The following PAK1 variants were observed in gnomAD, a reference collection of about 807,000 sequenced individuals.
PAK1 encodes serine/threonine-protein kinase PAK 1.
A neutral mutation model predicts 67.4 loss-of-function variants in PAK1; 29 were observed. That is an observed-to-expected ratio of 0.43 (90% CI 0.32 to 0.59). The LOEUF is 0.59. Among genes scored for constraint, PAK1 ranks in the 20% least tolerant of loss-of-function variants. The pLI is 0.07. For missense variants in PAK1, 337 were observed against 670.7 expected, an observed-to-expected ratio of 0.50 and a Z score of 5.50; for synonymous variants, 223 against 237.4, an observed-to-expected ratio of 0.94 and a Z score of 0.56.
chr11:77,407,223 T>C (rs1953721970), intron 1 of PAK1, among the ~76,000 whole-genome samples: 1 of 152,194 alleles, frequency 6.6e-6, no homozygotes, highest in Non-Finnish European at 1.5e-5. Context: ...TTGTGTTACA[T>C]CATAAGAAGT....
chr11:77,392,130 T>C (rs1265615904), intron 2 of PAK1, among the ~76,000 whole-genome samples: 1 of 152,228 alleles, frequency 6.6e-6, no homozygotes, highest in Non-Finnish European at 1.5e-5. Flanking sequence ...CTTACAGTTT[T>C]GCTCAGATAT....
intron 1 of PAK1, among the ~76,000 whole-genome samples, chr11:77,402,634 G>C (rs943833980): frequency 5.9e-5 from 9 of 151,974 alleles, no homozygotes; most frequent in African/African-American, 2.2e-4. Context: ...ACCATAAAGG[G>C]GCCACTTCGT....
chr11:77,368,270 T>G (rs1947882654), intron 5 of PAK1, among the ~76,000 whole-genome samples: 1 of 152,182 alleles, frequency 6.6e-6, no homozygotes, highest in Non-Finnish European at 1.5e-5. Flanking sequence ...TAAAATGGCT[T>G]TGGACTTAGC....
chr11:77,461,494 G>C (rs1957342903), intron 1 of PAK1, among the ~76,000 whole-genome samples: 1 of 152,132 alleles, frequency 6.6e-6, no homozygotes, highest in Non-Finnish European at 1.5e-5. Context: ...TGTTTCTCCA[G>C]TAGAACATTG....
At chr11:77,466,676 A>T (rs1275361515) in intron 1 of PAK1, among the ~76,000 whole-genome samples, 1 of 152,184 alleles carries the variant, frequency 6.6e-6, no homozygotes, top group Non-Finnish European at 1.5e-5. Context: ...AAAATGAGTT[A>T]GCCAACATCA....
upstream of PAK1, among the ~76,000 whole-genome samples, chr11:77,478,640 C>T (rs958587924): frequency 7.3e-5 from 11 of 151,448 alleles, no homozygotes; most frequent in Admixed American, 3.9e-4. Context: ...ATTAGCCGGG[C>T]GTGGTGGCAT....
At position 77,323,327 on chromosome 11, in the gene PAK1, T is replaced by C; in HGVS notation, c.1585A>G (p.Ser529Gly). Residue 529 changes from serine to glycine, a missense_variant, in exon 15 of 15, where the codon AGC (serine) becomes GGC (glycine). Transcript: ENST00000356341. ...QFLKIAKPLS[S>G]LTPLIAAAKE... ...GCTGCAGCAATCAGTGGAGTGAGGC[T>C]GGAGAGGGGCTTGGCAATCTTCAGG... 1 of 1,613,660 alleles carries C rather than the reference T, an allele frequency of 6.2e-7. No individual in the cohort carries two copies. Among genetic ancestry groups the C allele is most frequent in the Non-Finnish European group, 8.5e-7 (1 of 1,179,616 alleles).
chr11:77,364,322 T>C (rs2136708755), intron 5 of PAK1, among the ~76,000 whole-genome samples: 1 of 152,304 alleles, frequency 6.6e-6, no homozygotes, highest in East Asian at 1.9e-4. Flanking sequence ...AAAGAAGCCT[T>C]ACAGAGTTGA....
At chr11:77,458,688 T>C (rs1473919933) in intron 1 of PAK1, among the ~76,000 whole-genome samples, 1 of 152,168 alleles carries the variant, frequency 6.6e-6, no homozygotes, top group Admixed American at 6.5e-5. Flanking sequence ...GAGGAATGTT[T>C]GAGTGGGGGC....
chr11:77,458,162 A>AT (rs971028261), intron 1 of PAK1, among the ~76,000 whole-genome samples: 5 of 152,162 alleles, frequency 3.3e-5, no homozygotes, highest in African/African-American at 1.2e-4. Context: ...TTCTTAGTAA[A>AT]TTTTTTTAAA....
intron 14 of PAK1, among the ~76,000 whole-genome samples, chr11:77,331,485 G>A (rs1467163659): frequency 6.6e-6 from 1 of 152,140 alleles, no homozygotes; most frequent in Non-Finnish European, 1.5e-5. Flanking sequence ...GTCCTTTGTA[G>A]GGACATGGAT....
At chr11:77,376,274 A>T (rs1949074085) in intron 4 of PAK1, among the ~76,000 whole-genome samples, 1 of 152,228 alleles carries the variant, frequency 6.6e-6, no homozygotes. Flanking sequence ...AGAATGATGG[A>T]ACAGAAAGTG....
At chr11:77,449,196 G>C (rs1156558607) in intron 1 of PAK1, among the ~76,000 whole-genome samples, 1 of 152,194 alleles carries the variant, frequency 6.6e-6, no homozygotes, top group African/African-American at 2.4e-5. Flanking sequence ...CAGGTTTGAG[G>C]AAGGTGCTTC....
chr11:77,392,586 A>G lies in PAK1; in HGVS notation c.-21-45T>C, dbSNP rs367865711. On this transcript the variant is annotated intron_variant, in intron 1 of 14. Transcript: ENST00000356341. ...CAATATAACTCTTTTATTATTTTTG[A>G]CCAAAAGGAAATACATGTTAAAAAA... 4.8e-6 allele frequency: 7 copies of G among 1,446,144 alleles called. No homozygotes were observed. In the South Asian group the frequency reaches 9.7e-5, roughly 20 times the overall value. 89.6% of individuals were successfully genotyped at this position (1,446,144 alleles called of 1,614,324 possible).
chr11:77,510,046 A>C, the PAK1 span, among the ~76,000 whole-genome samples: 1 of 152,114 alleles, frequency 6.6e-6, no homozygotes, highest in Non-Finnish European at 1.5e-5. Flanking sequence ...GTTTGTCATG[A>C]TTTTCAATTG....
chr11:77,446,910 C>CA (rs1353593272), intron 1 of PAK1, among the ~76,000 whole-genome samples: 7 of 145,510 alleles, frequency 4.8e-5, no homozygotes, highest in Non-Finnish European at 9.0e-5. Flanking sequence ...AAAAAAAAAA[C>CA]AAAAAAGGAG....
intron 4 of PAK1, among the ~76,000 whole-genome samples, chr11:77,377,035 G>A (rs1293302097): frequency 6.6e-6 from 1 of 152,072 alleles, no homozygotes; most frequent in Admixed American, 6.5e-5. Context: ...TCCCAGAACT[G>A]TGGGAAGCCA....
chr11:77,402,672 A>G (rs1952873945), intron 1 of PAK1, among the ~76,000 whole-genome samples: 2 of 152,102 alleles, frequency 1.3e-5, no homozygotes, highest in Non-Finnish European at 2.9e-5. Context: ...AATGAAATCT[A>G]TCGTACTGTC....
chr11:77,453,276 C>T (rs530325517), intron 1 of PAK1, among the ~76,000 whole-genome samples: 1 of 152,262 alleles, frequency 6.6e-6, no homozygotes, highest in East Asian at 1.9e-4. Flanking sequence ...ATCGCTTGAA[C>T]CCAGGCAGCA....
Sources: allele counts gnomAD v4.1 joint callset (sites outside exome capture counted in the v4.1 genomes callset), GRCh38; gene constraint gnomAD v4.1.1; transcripts MANE v1.5; gene names NCBI Gene and HGNC (gene_info 2026-07-23, HGNC 2026-07-21).